The following CXXC4 variants were observed in gnomAD, a reference collection of about 807,000 sequenced individuals.
The protein encoded by CXXC4 is CXXC finger protein 4, also known as CXXC-type zinc finger protein 4.
CXXC4 carries 5 observed loss-of-function variants against 20.5 expected under a neutral mutation model. That is an observed-to-expected ratio of 0.24 (90% confidence interval 0.13 to 0.51). The LOEUF (loss-of-function observed/expected upper bound fraction) is 0.51, where lower values mean the gene tolerates loss of function less well. Ranked by LOEUF, CXXC4 falls within the 20% of genes least tolerant of loss-of-function variation. CXXC4 has a pLI of 0.97. For missense variants in CXXC4, 419 were observed against 496.4 expected (o/e 0.84, Z 1.48); for synonymous variants, 250 against 216.4 (o/e 1.16, Z -1.36).
chr4:104,473,197 T>C (rs1409613205), intron 2 of CXXC4, among the ~76,000 whole-genome samples: 1 of 151,892 alleles, frequency 6.6e-6, no homozygotes. Flanking sequence ...TCTAAACACA[T>C]TTTATAGTCT....
At chr4:104,485,243 C>A (rs1736656746) in intron 2 of CXXC4, among the ~76,000 whole-genome samples, 1 of 151,902 alleles carries the variant, frequency 6.6e-6, no homozygotes, top group Non-Finnish European at 1.5e-5. Context: ...TGCTTTTTTA[C>A]AAACTAATCT....
At position 104,491,302 on chromosome 4, in the gene CXXC4, C is replaced by T. The variant is rs1270853350; in HGVS notation, c.501G>A (p.Arg167=). 4.4e-6 allele frequency: 7 copies of T among 1,585,358 alleles called. No individual in the cohort carries two copies. The highest frequency in any genetic ancestry group is 3.6e-5 in the Admixed American group (2 of 56,244). The stretch of plus-strand genomic sequence containing the variant: ...AGTCGTTTCGGTGGTGCATGCTGGT[C>T]CTGCTGCCGCCGCCGCCGCCGCCGC... The part of the protein sequence containing the change: ...GGGGGGGGGS[R]TSMHHRNDSQ... Residue 167 remains arginine, a synonymous_variant, in exon 2 of 3, where the codon AGG becomes AGA. Transcript: ENST00000394767.
chr4:104,490,906 G>A lies in CXXC4; in HGVS notation c.897C>T (p.Asn299=). The A allele has an allele frequency of 6.2e-7, 1 of 1,614,142 alleles. No homozygotes were observed. Among genetic ancestry groups the A allele is most frequent in the Non-Finnish European group, 8.5e-7 (1 of 1,180,036 alleles). ...SSSSGGAGGA[N]PAKKKRKRCG... Reference sequence around the variant, plus strand: ...ACCTTTTCCTCTTCTTCTTGGCTGGGTTGGCTCCGCCAGCTCCCCCTGAGG... The same window carrying A: ...ACCTTTTCCTCTTCTTCTTGGCTGGATTGGCTCCGCCAGCTCCCCCTGAGG... The change falls in exon 2 of 3, where the codon AAC becomes AAT. Residue 299 remains asparagine, a synonymous_variant. Coordinates refer to ENST00000394767, the MANE Select transcript of CXXC4 (RefSeq NM_025212.4).
chr4:104,480,403 A>G (rs1373492606), intron 2 of CXXC4, among the ~76,000 whole-genome samples: 2 of 152,184 alleles, frequency 1.3e-5, no homozygotes, highest in Non-Finnish European at 2.9e-5. Context: ...CTTAAAAAGT[A>G]CACTGACATT....
At chr4:104,494,320 A>T (rs1478418172) in intron 1 of CXXC4, among the ~76,000 whole-genome samples, 1 of 152,220 alleles carries the variant, frequency 6.6e-6, no homozygotes, top group African/African-American at 2.4e-5. Flanking sequence ...TCTACCAGAG[A>T]CATAGAGATC....
chr4:104,476,366 C>T (rs534676525), intron 2 of CXXC4, among the ~76,000 whole-genome samples: 1 of 152,268 alleles, frequency 6.6e-6, no homozygotes, highest in East Asian at 1.9e-4. Flanking sequence ...GTGAAGAATG[C>T]ATCTACATAT....
intron 2 of CXXC4, among the ~76,000 whole-genome samples, chr4:104,478,004 C>A (rs2110272070): frequency 6.6e-6 from 1 of 152,258 alleles, no homozygotes; most frequent in South Asian, 2.1e-4. Flanking sequence ...AAGGGGAAAG[C>A]ACCAAATAAC....
intron 2 of CXXC4, among the ~76,000 whole-genome samples, chr4:104,478,158 T>C (rs1157336915): frequency 6.6e-6 from 1 of 152,170 alleles, no homozygotes; most frequent in Non-Finnish European, 1.5e-5. Flanking sequence ...TCATTGATAA[T>C]TGATTCTCCC....
At chr4:104,480,931 T>C (rs2110273855) in intron 2 of CXXC4, among the ~76,000 whole-genome samples, 1 of 145,440 alleles carries the variant, frequency 6.9e-6, no homozygotes, top group Middle Eastern at 3.4e-3. Flanking sequence ...TCTTCCTTCC[T>C]TCCCTTCTTA....
chr4:104,490,761 G>T lies in CXXC4; in HGVS notation c.1042C>A (p.Pro348Thr). Reference protein sequence around the residue: ...FRKCEELKKKPGTSLERTPVP... With the variant: ...FRKCEELKKKTGTSLERTPVP... ...CCTCTGACCTCTAGTGAAGTGCCAG[G>T]TTTTTTCTTTAGCTCTTCACATTTT... The change falls in exon 2 of 3, where the codon CCT becomes ACT. Residue 348 changes from proline to threonine, a missense_variant. Physicochemically the swap from Pro to Thr is conservative, Grantham distance 38 (BLOSUM62 -1). Around this residue, in one of 3 missense-constraint regions of CXXC4, gnomAD observed 15 missense variants for 63.0 expected, o/e 0.24. Transcript: ENST00000394767. The T allele has an allele frequency of 6.2e-7, 1 of 1,613,546 alleles. No individual in the cohort carries two copies. The highest frequency in any genetic ancestry group is 8.5e-7 in the Non-Finnish European group (1 of 1,179,768).
chr4:104,478,267 G>A (rs890062096), intron 2 of CXXC4, among the ~76,000 whole-genome samples: 3 of 152,080 alleles, frequency 2.0e-5, no homozygotes, highest in Non-Finnish European at 2.9e-5. Context: ...AGACTGTGAC[G>A]GTGTGACTTT....
At chr4:104,482,233 G>C (rs182878160) in intron 2 of CXXC4, among the ~76,000 whole-genome samples, 1 of 152,198 alleles carries the variant, frequency 6.6e-6, no homozygotes, top group African/African-American at 2.4e-5. Context: ...GTCACCTGCA[G>C]TTTGATAAAC....
intron 2 of CXXC4, among the ~76,000 whole-genome samples, chr4:104,480,674 C>A (rs1736530716): frequency 6.6e-6 from 1 of 151,966 alleles, no homozygotes; most frequent in African/African-American, 2.4e-5. Flanking sequence ...CCCATGACAC[C>A]TTTCCCTAAA....
In CXXC4 at chr4:104,491,883, G is replaced by A. The variant is rs534367529; in HGVS notation, c.-81C>T. The A allele has an allele frequency of 4.5e-5, 16 of 355,958 alleles. No individual in the cohort carries two copies. Among genetic ancestry groups the A allele is most frequent in the African/African-American group, 2.7e-4 (11 of 41,038 alleles). 22.0% of individuals were successfully genotyped at this position (355,958 alleles called of 1,614,324 possible). On this transcript the variant is annotated 5_prime_UTR_variant, in exon 2 of 3. Coordinates refer to ENST00000394767, the MANE Select transcript of CXXC4 (RefSeq NM_025212.4). ...ACCTGGGTGGAAAAGGGGGAAAGGT[G>A]GGGGGGAGGGAAGGGAGTGATGGTG...
chr4:104,472,046 A>G lies in CXXC4; in HGVS notation c.*276T>C. ...CTTATTTTTTACAGCCACTTTCAAA[A>G]TAGACAACAACTTCACTACTATAGC... On this transcript the variant is annotated 3_prime_UTR_variant, in exon 3 of 3. Coordinates refer to ENST00000394767, the MANE Select transcript of CXXC4 (RefSeq NM_025212.4). The G allele has an allele frequency of 3.5e-6, 1 of 289,008 alleles. No homozygotes were observed. Among genetic ancestry groups the G allele is most frequent in the Non-Finnish European group, 6.4e-6 (1 of 157,246 alleles). The allele number at this position is 289,008 out of a possible 1,614,324, so 17.9% of individuals were successfully genotyped here.
chr4:104,485,813 T>C (rs1435098882), intron 2 of CXXC4, among the ~76,000 whole-genome samples: 5 of 152,134 alleles, frequency 3.3e-5, no homozygotes, highest in Non-Finnish European at 1.5e-5. Flanking sequence ...TTTTATTAAA[T>C]TGTTTTGTAC....
chr4:104,491,871 A>G lies in CXXC4; in HGVS notation c.-69T>C. The stretch of plus-strand genomic sequence containing the variant: ...GCCTGGTCCGACACCTGGGTGGAAA[A>G]GGGGGAAAGGTGGGGGGGAGGGAAG... On this transcript the variant is annotated 5_prime_UTR_variant, in exon 2 of 3. Coordinates refer to ENST00000394767, the MANE Select transcript of CXXC4 (RefSeq NM_025212.4). The G allele has an allele frequency of 1.5e-5, 5 of 331,138 alleles. No homozygotes were observed. The highest frequency in any genetic ancestry group is 1.4e-5 in the Non-Finnish European group (4 of 278,226). The allele number at this position is 331,138 out of a possible 1,614,324, so 20.5% of individuals were successfully genotyped here.
At chr4:104,483,337 A>C (rs1357659767) in intron 2 of CXXC4, among the ~76,000 whole-genome samples, 1 of 151,914 alleles carries the variant, frequency 6.6e-6, no homozygotes, top group Non-Finnish European at 1.5e-5. Context: ...CTTTCTATAC[A>C]CTGCATTGGA....
intron 2 of CXXC4, among the ~76,000 whole-genome samples, chr4:104,481,554 A>T (rs1578318482): frequency 6.6e-6 from 1 of 152,026 alleles, no homozygotes; most frequent in South Asian, 2.1e-4. Flanking sequence ...GAAAAAAAAA[A>T]ATATGGAACT....
Sources: allele counts gnomAD v4.1 joint callset (sites outside exome capture counted in the v4.1 genomes callset), GRCh38; gene constraint gnomAD v4.1.1; regional missense constraint gnomAD v4.1.1; transcripts MANE v1.5; gene names NCBI Gene and HGNC (gene_info 2026-07-23, HGNC 2026-07-21).